The following PCSK5 variants were observed in gnomAD, a reference collection of about 807,000 sequenced individuals.
PCSK5 encodes the protein proprotein convertase subtilisin/kexin type 5.
Under a neutral mutation model 233.2 loss-of-function variants are expected in PCSK5, and 129 were observed. The ratio of observed to expected loss-of-function variants is 0.55; its 90% confidence interval spans 0.48 to 0.64. The LOEUF (loss-of-function observed/expected upper bound fraction) is 0.64. PCSK5 is among the 30% of genes least tolerant of loss of function. PCSK5 has a pLI of 0.00. For synonymous variants in PCSK5, 825 were observed against 879.2 expected, an observed-to-expected ratio of 0.94 and a Z score of 1.09; for missense variants, 2,076 against 2,430.1, an observed-to-expected ratio of 0.85 and a Z score of 3.06.
At chr9:76,227,282 T>C (rs1206024661) in intron 20 of PCSK5, among the ~76,000 whole-genome samples, 2 of 152,184 alleles carry the variant, frequency 1.3e-5, no homozygotes, top group African/African-American at 4.8e-5. Context: ...CATTGCCTCA[T>C]AACTTTTTGA....
chr9:76,004,256 T>A (rs1041737060), intron 3 of PCSK5, among the ~76,000 whole-genome samples: 8 of 133,514 alleles, frequency 6.0e-5, no homozygotes, highest in Non-Finnish European at 9.8e-5. Flanking sequence ...TTCTTTGATG[T>A]TTTTTTTTTC....
At chr9:76,210,625 T>C (rs1171699315) in intron 20 of PCSK5, among the ~76,000 whole-genome samples, 3 of 152,210 alleles carry the variant, frequency 2.0e-5, no homozygotes, top group Non-Finnish European at 4.4e-5. Flanking sequence ...CTTCGAGCTT[T>C]ATTCTGTATT....
chr9:76,025,689 C>A (rs1828394245), intron 4 of PCSK5, among the ~76,000 whole-genome samples: 2 of 152,158 alleles, frequency 1.3e-5, no homozygotes, highest in African/African-American at 4.8e-5. Flanking sequence ...GTCTTAATCT[C>A]TTGTATTCCC....
chr9:75,950,948 C>G (rs146609096), intron 2 of PCSK5, among the ~76,000 whole-genome samples: 4 of 152,164 alleles, frequency 2.6e-5, no homozygotes, highest in Non-Finnish European at 5.9e-5. Context: ...TGTTGTCTTT[C>G]AGATTGTATG....
chr9:75,914,529 G>A (rs74615256), intron 1 of PCSK5, among the ~76,000 whole-genome samples: 6,000 of 152,148 alleles, frequency 0.039, 424 homozygotes, highest in African/African-American at 0.14. Context: ...GGGTTTTAGA[G>A]TTGGGAGCAA....
At chr9:76,067,082 T>G (rs1391990048) in intron 5 of PCSK5, among the ~76,000 whole-genome samples, 1 of 152,206 alleles carries the variant, frequency 6.6e-6, no homozygotes, top group Non-Finnish European at 1.5e-5. Context: ...GCTTTAGAAT[T>G]CTTCCCAGCA....
intron 1 of PCSK5, among the ~76,000 whole-genome samples, chr9:75,906,861 G>A (rs1826284861): frequency 6.6e-6 from 1 of 152,110 alleles, no homozygotes; most frequent in Admixed American, 6.6e-5. Context: ...CCTTGATAAA[G>A]CTAGACCTTC....
At chr9:76,201,087 A>G (rs866478577) in intron 20 of PCSK5, among the ~76,000 whole-genome samples, 5 of 152,220 alleles carry the variant, frequency 3.3e-5, no homozygotes, top group Admixed American at 6.5e-5. Flanking sequence ...AGCAGCCCAC[A>G]GCTTCTGTTC....
intron 9 of PCSK5, among the ~76,000 whole-genome samples, chr9:76,117,487 A>T (rs1370113949): frequency 6.6e-6 from 1 of 152,174 alleles, no homozygotes; most frequent in East Asian, 1.9e-4. Context: ...CTGGAGTCAT[A>T]AAAGTGATTC....
At chr9:76,107,414 C>T (rs1832023124) in intron 9 of PCSK5, 63 bp downstream of exon 9, 4 of 1,032,398 alleles carry the variant, frequency 3.9e-6, no homozygotes, top group African/African-American at 1.6e-5. Flanking sequence ...AAAACGTACC[C>T]CTTCCCTTGT....
intron 20 of PCSK5, among the ~76,000 whole-genome samples, chr9:76,190,932 C>G (rs989552232): frequency 6.6e-6 from 1 of 152,166 alleles, no homozygotes; most frequent in Non-Finnish European, 1.5e-5. Flanking sequence ...GTTTGAGAAC[C>G]ACTGCACATC....
At chr9:76,002,983 T>C in intron 3 of PCSK5, among the ~76,000 whole-genome samples, 1 of 152,258 alleles carries the variant, frequency 6.6e-6, no homozygotes, top group East Asian at 1.9e-4. Context: ...GTACACACTT[T>C]GCTTTCCATC....
At chr9:76,030,571 C>T (rs1258272791) in intron 5 of PCSK5, among the ~76,000 whole-genome samples, 1 of 149,294 alleles carries the variant, frequency 6.7e-6, no homozygotes. Flanking sequence ...ATAACACATA[C>T]TAATAACAAA....
chr9:76,142,894 T>C (rs1455464291), intron 10 of PCSK5, among the ~76,000 whole-genome samples: 1 of 152,190 alleles, frequency 6.6e-6, no homozygotes, highest in Non-Finnish European at 1.5e-5. Context: ...GTCAGTGATT[T>C]TAGTTGATGG....
At chr9:76,113,186 A>G (rs561337828) in intron 9 of PCSK5, among the ~76,000 whole-genome samples, 3 of 152,310 alleles carry the variant, frequency 2.0e-5, no homozygotes, top group South Asian at 2.1e-4. Flanking sequence ...AAATAAAGAC[A>G]TGAATGTTAT....
At chr9:75,981,733 CT>C (rs200619455) in intron 2 of PCSK5, among the ~76,000 whole-genome samples, 17 of 151,148 alleles carry the variant, frequency 1.1e-4, no homozygotes, top group Non-Finnish European at 2.4e-4. Flanking sequence ...TTTAAACATT[CT>C]TTTTTTTTGT....
chr9:76,238,450 G>A (rs771699945), intron 22 of PCSK5, among the ~76,000 whole-genome samples: 5 of 152,200 alleles, frequency 3.3e-5, no homozygotes, highest in Non-Finnish European at 7.3e-5. Context: ...GGCATTGGCA[G>A]CTCTGCAGAA....
intron 9 of PCSK5, among the ~76,000 whole-genome samples, chr9:76,123,024 T>G (rs2131720439): frequency 6.6e-6 from 1 of 151,916 alleles, no homozygotes; most frequent in South Asian, 2.1e-4. Context: ...TACTATTTTT[T>G]GTAGAGATGG....
intron 24 of PCSK5, among the ~76,000 whole-genome samples, chr9:76,249,666 G>T (rs1826738974): frequency 6.6e-6 from 1 of 152,158 alleles, no homozygotes; most frequent in Admixed American, 6.5e-5. Context: ...AACAGGATGA[G>T]CCTGCAGCAT....
Sources: gnomAD v4.1 joint callset for allele counts (sites outside exome capture counted in the v4.1 genomes callset) on GRCh38, gnomAD v4.1.1 for gene constraint, MANE v1.5 for transcripts, NCBI Gene and HGNC (gene_info 2026-07-23, HGNC 2026-07-21) for gene names.